C3: variants seen among roughly 807,000 people sequenced by gnomAD.
The protein encoded by C3 is C3 and PZP-like alpha-2-macroglobulin domain-containing protein 1.
In C3, 97 loss-of-function variants were observed where a neutral mutation model predicts 207.9. That is an observed-to-expected ratio of 0.47 (90% CI 0.40 to 0.55). The LOEUF (loss-of-function observed/expected upper bound fraction) is 0.55, where lower values mean the gene tolerates loss of function less well. C3 is among the 20% of genes least tolerant of loss of function. The probability of loss-of-function intolerance (pLI) is 0.00; values close to 1 mark genes in which losing one functional copy is unlikely to be tolerated. For synonymous variants in C3, 848 were observed against 857.6 expected, an observed-to-expected ratio of 0.99 and a Z score of 0.20; for missense variants, 1,684 against 2,171.7, an observed-to-expected ratio of 0.78 and a Z score of 4.46.
chr19:6,678,411 CAA>C lies in C3; in HGVS notation c.4673_4674del (p.Phe1558Ter). 6.2e-7 allele frequency: 1 copy of C among 1,614,106 alleles called. No individual in the cohort carries two copies. The highest frequency in any genetic ancestry group is 8.5e-7 in the Non-Finnish European group (1 of 1,180,012). ...TGCTCAATGGCCATGATGTACTCGT[CAA>C]AGTCATTGGACAGCTGAACCTTGAC... ...RLVKVQLSND[F>X]DEYIMAIEQT... is the part of the protein sequence containing the mutation. On this transcript the variant is annotated frameshift_variant, in exon 39 of 41. Coordinates refer to ENST00000245907, the MANE Select transcript of C3 (RefSeq NM_000064.4). LOFTEE classifies it high-confidence loss of function.
At chr19:6,698,819 G>A (rs1277295810) in intron 19 of C3, among the ~76,000 whole-genome samples, 1 of 151,828 alleles carries the variant, frequency 6.6e-6, no homozygotes, top group African/African-American at 2.4e-5. Context: ...TTTTGAGATG[G>A]GGTCTCGCTC....
At chr19:6,694,972 C>T (rs1967500795) in intron 23 of C3, among the ~76,000 whole-genome samples, 1 of 152,126 alleles carries the variant, frequency 6.6e-6, no homozygotes, top group Non-Finnish European at 1.5e-5. Context: ...TAGAGTGTCT[C>T]ACTTAATAGT....
At chr19:6,685,950 G>A (rs187322322) in intron 29 of C3, among the ~76,000 whole-genome samples, 174 bp downstream of exon 29, 129 of 152,302 alleles carry the variant, frequency 8.5e-4, no homozygotes, top group Middle Eastern at 3.4e-3. Flanking sequence ...TTGTATTCTA[G>A]AACCTATAGA....
chr19:6,693,589 G>T, intron 24 of C3, 102 bp from the exon 25 acceptor site: 1 of 992,378 alleles, frequency 1.0e-6, no homozygotes, highest in Non-Finnish European at 1.5e-6. Context: ...AGGGGCTCAG[G>T]GTGGCGGAGG....
At chr19:6,688,923 C>T (rs1043425122) in intron 27 of C3, among the ~76,000 whole-genome samples, 1 of 152,154 alleles carries the variant, frequency 6.6e-6, no homozygotes, top group African/African-American at 2.4e-5. Context: ...CAATCAGAGT[C>T]CTTTCCTGGG....
rs1599503268 is a variant in C3, at chr19:6,689,308, TC to T, written c.3489+1320del. 2.2e-4 allele frequency among the ~76,000 whole-genome samples: 26 copies of T among 119,722 alleles called. 1 individual carries two copies. In the East Asian group the frequency reaches 2.7e-3, roughly 13 times the overall value. 78.5% of individuals were successfully genotyped at this position (119,722 alleles called of 152,430 possible). A position where few individuals can be genotyped will look rare whatever the true frequency, so the allele number is the denominator to read the frequency against. ...TCTGACCCCACCTCTCCTCTCTCTC[TC>T]TCTCTCTCTCTCTACCTACCTCCCT... On this transcript the variant is annotated intron_variant, in intron 27 of 40. Transcript: ENST00000245907.
At chr19:6,717,925 T>C in intron 4 of C3, 169 bp downstream of exon 4, 1 of 735,724 alleles carries the variant, frequency 1.4e-6, no homozygotes, top group Non-Finnish European at 2.5e-6. Context: ...TGTGTGCATG[T>C]TGTGTGCTGT....
At chr19:6,689,904 C>T (rs1918126896) in intron 27 of C3, among the ~76,000 whole-genome samples, 1 of 152,140 alleles carries the variant, frequency 6.6e-6, no homozygotes, top group Admixed American at 6.6e-5. Context: ...GTCCCTTGAA[C>T]CTGGGAGGCA....
chr19:6,719,080 C>G lies in C3; in HGVS notation c.267+131G>C. 1 of 817,972 alleles carries G rather than the reference C, an allele frequency of 1.2e-6. No homozygotes were observed. Among genetic ancestry groups the G allele is most frequent in the Non-Finnish European group, 2.1e-6 (1 of 479,900 alleles). 50.7% of individuals were successfully genotyped at this position (817,972 alleles called of 1,614,324 possible). ...GAGGGGCTTAGAAGGAGAGGCGACT[C>G]CGAAGGGGTGGAGTCTCAGGGAAGG... is the stretch of plus-strand genomic sequence containing the variant. On this transcript the variant is annotated intron_variant, in intron 2 of 40. Coordinates refer to ENST00000245907, the MANE Select transcript of C3 (RefSeq NM_000064.4). This position sits in a 1 kb window ranked among gnomAD's most constrained non-coding sequence, Gnocchi z 5.4.
intron 17 of C3, among the ~76,000 whole-genome samples, chr19:6,706,445 C>T (rs1006133724): frequency 1.3e-5 from 2 of 152,146 alleles, no homozygotes; most frequent in African/African-American, 4.8e-5. Flanking sequence ...CCCCTCCCCT[C>T]GGACGGGAGC....
chr19:6,710,588 GAGA>G, intron 13 of C3, 48 bp downstream of exon 13: 1 of 1,386,436 alleles, frequency 7.2e-7, no homozygotes, highest in South Asian at 1.2e-5. Context: ...GAGAGAGAGA[GAGA>G]GGAGTAGGGA....
Position 6,715,778 on chromosome 19 carries a change from C to T in C3, c.505-1332G>A, listed in dbSNP as rs111726108. 9.8e-3 allele frequency among the ~76,000 whole-genome samples: 1,451 copies of T among 148,012 alleles called. 31 individuals carry two copies. The highest frequency in any genetic ancestry group is 0.034 in the African/African-American group (1,379 of 40,022). On this transcript the variant is annotated intron_variant, in intron 4 of 40. Coordinates refer to ENST00000245907, the MANE Select transcript of C3 (RefSeq NM_000064.4). ...CTGGGACTACAGGTGCCCGCCACCA[C>T]GCCCAGCTAATTTTTTTTTTGTACT... is the stretch of plus-strand genomic sequence containing the variant.
intron 27 of C3, among the ~76,000 whole-genome samples, chr19:6,688,109 G>A (rs1156795084): frequency 6.6e-6 from 1 of 151,578 alleles, no homozygotes; most frequent in Non-Finnish European, 1.5e-5. Flanking sequence ...CTCCCAAAGT[G>A]CTGGGATTAC....
chr19:6,694,394 G>T, intron 24 of C3, 37 bp downstream of exon 24: 1 of 1,590,254 alleles, frequency 6.3e-7, no homozygotes, highest in South Asian at 1.1e-5. Flanking sequence ...GCTCGGAAAG[G>T]GGTCCCTGGG....
At chr19:6,689,320 T>TACCTACCTACCTACCTACCTACCTAC (rs143516796) in intron 27 of C3, among the ~76,000 whole-genome samples, 2 of 72,344 alleles carry the variant, frequency 2.8e-5, no homozygotes, top group Admixed American at 1.7e-4. Context: ...TCTCTCTCTC[T>TACCTACCTACCTACCTACCTACCTAC]CTACCTACCT....
chr19:6,701,415 A>C (rs905021226), intron 19 of C3, among the ~76,000 whole-genome samples: 3 of 152,086 alleles, frequency 2.0e-5, no homozygotes, highest in African/African-American at 7.2e-5. Context: ...ACGCCCCTTC[A>C]CGAAAAATCA....
rs746486431 is a variant in C3 at position 6,714,002 on chromosome 19, T to C, written c.763A>G (p.Ile255Val). Residue 255 changes from isoleucine (I) to valine (V), a missense_variant, in exon 7 of 41, where the codon ATC (isoleucine) becomes GTC (valine). By Grantham distance (29) the Ile-to-Val change is conservative. This residue lies in a region of C3 where 1,280 missense variants were observed against 1,739.1 expected (regional missense o/e 0.74). Coordinates refer to ENST00000245907, the MANE Select transcript of C3 (RefSeq NM_000064.4). ...IYNEKGLEVT[I>V]TARFLYGKKV... ...CCCCCAGTCCCTCACCTGGCGGTGA[T>C]GGTGACCTCCAGGCCCTTCTCGTTA... The C allele has an allele frequency of 1.1e-5, 18 of 1,604,812 alleles. No individual in the cohort carries two copies. The Admixed American group carries it at 2.5e-4, about 23-fold the overall frequency.
At chr19:6,685,717 G>C (rs1917987219) in intron 29 of C3, among the ~76,000 whole-genome samples, 1 of 152,136 alleles carries the variant, frequency 6.6e-6, no homozygotes, top group South Asian at 2.1e-4. Flanking sequence ...ACATACTATA[G>C]AGCCCGCCAG....
At chr19:6,693,879 G>A (rs2145407594) in intron 24 of C3, among the ~76,000 whole-genome samples, 1 of 152,158 alleles carries the variant, frequency 6.6e-6, no homozygotes, top group Non-Finnish European at 1.5e-5. Context: ...GGGACCCAGG[G>A]GATGGGCGTG....
Sources: gnomAD v4.1 joint callset for allele counts (sites outside exome capture counted in the v4.1 genomes callset) on GRCh38, gnomAD v4.1.1 for gene constraint, gnomAD v4.1.1 regional missense constraint, Gnocchi (gnomAD v3.1) non-coding constraint, MANE v1.5 for transcripts, NCBI Gene and HGNC (gene_info 2026-07-23, HGNC 2026-07-21) for gene names.